The following CEP83 variants were observed in gnomAD, a reference collection of about 807,000 sequenced individuals.
CEP83 encodes centrosomal protein 83, also known as centrosomal protein of 83 kDa.
A neutral mutation model predicts 101.9 loss-of-function variants in CEP83; 70 were observed. The ratio of observed to expected loss-of-function variants is 0.69; its 90% CI spans 0.57 to 0.84. The LOEUF is 0.84. Ranked by LOEUF, CEP83 falls within the 40% of genes least tolerant of loss-of-function variation. The pLI, the probability that CEP83 is intolerant of heterozygous loss-of-function variation, is 0.00. For missense variants in CEP83, 715 were observed against 787.2 expected, an observed-to-expected ratio of 0.91 and a Z score of 1.10; for synonymous variants, 264 against 267.9, an observed-to-expected ratio of 0.99 and a Z score of 0.14.
intron 4 of CEP83, among the ~76,000 whole-genome samples, chr12:94,410,061 T>C (rs542581247): frequency 1.3e-5 from 2 of 152,232 alleles, no homozygotes; most frequent in South Asian, 4.1e-4. Context: ...GATTACCAAC[T>C]CTAAGATGCT....
At chr12:94,268,030 G>A in the CEP83 span, among the ~76,000 whole-genome samples, 1 of 152,176 alleles carries the variant, frequency 6.6e-6, no homozygotes, top group Non-Finnish European at 1.5e-5. Context: ...TTCTTTCAAG[G>A]AAAGGAAAGT....
In CEP83 at chr12:94,313,527, T is replaced by TAAA. The variant is rs58864740; in HGVS notation, c.1708-513_1708-511dup. Among the ~76,000 whole-genome samples, 91 of 95,700 alleles carry TAAA rather than the reference T, an allele frequency of 9.5e-4. 1 individual carries two copies. The East Asian group carries it at 0.021, about 22-fold the overall frequency. The allele number at this position is 95,700 out of a possible 152,430, so 62.8% of individuals were successfully genotyped here. A position where few individuals can be genotyped will look rare whatever the true frequency, so the allele number is the denominator to read the frequency against. On this transcript the variant is annotated intron_variant, in intron 14 of 16. Transcript: ENST00000397809. The stretch of plus-strand genomic sequence containing the variant: ...CCTGGACAACAGATCAAGAACCCAT[T>TAAA]AAAAAAAAAAAAAAAAAAAAAGGGT...
chr12:94,416,670 A>C (rs1248893133), intron 2 of CEP83, among the ~76,000 whole-genome samples: 1 of 152,170 alleles, frequency 6.6e-6, no homozygotes, highest in Non-Finnish European at 1.5e-5. Flanking sequence ...TACTGGGCCA[A>C]GATGGTGCAC....
At chr12:94,424,824 C>T (rs1173196211) in intron 2 of CEP83, 1 of 1,600,896 alleles carries the variant, frequency 6.2e-7, no homozygotes, top group African/African-American at 1.3e-5. Flanking sequence ...TGGTCATTTC[C>T]ATTGCTTCCA....
At chr12:94,420,163 G>A (rs749999309) in intron 2 of CEP83, among the ~76,000 whole-genome samples, 32 of 152,084 alleles carry the variant, frequency 2.1e-4, no homozygotes, top group Non-Finnish European at 4.1e-4. Context: ...CTGGAGAGGA[G>A]AGGAAGCAAA....
intron 14 of CEP83, among the ~76,000 whole-genome samples, chr12:94,324,090 G>C (rs1427029154): frequency 6.6e-6 from 1 of 152,122 alleles, no homozygotes; most frequent in Non-Finnish European, 1.5e-5. Context: ...TAATATTTAA[G>C]ATTTTTACAT....
chr12:94,282,437 A>G, the CEP83 span: 107 of 1,311,430 alleles, frequency 8.2e-5, no homozygotes, highest in Non-Finnish European at 1.1e-4. Context: ...CTCCTTCCTC[A>G]TCCCCAATCC....
At chr12:94,414,664 G>A (rs1184671451) in intron 2 of CEP83, among the ~76,000 whole-genome samples, 5 of 152,116 alleles carry the variant, frequency 3.3e-5, no homozygotes, top group African/African-American at 1.2e-4. Flanking sequence ...TATTGCAGTA[G>A]CAATCCAAAT....
At chr12:94,358,952 G>A (rs186099762) in intron 11 of CEP83, among the ~76,000 whole-genome samples, 6 of 152,344 alleles carry the variant, frequency 3.9e-5, no homozygotes, top group Non-Finnish European at 8.8e-5. Flanking sequence ...ATGGGAATGA[G>A]GACAAGGAAT....
chr12:94,456,519 T>G (rs2067690242), intron 1 of CEP83, among the ~76,000 whole-genome samples: 1 of 152,212 alleles, frequency 6.6e-6, no homozygotes, highest in Non-Finnish European at 1.5e-5. Context: ...TGATTCACAG[T>G]TCCACATGGC....
At chr12:94,356,987 A>G (rs1450750259) in intron 11 of CEP83, among the ~76,000 whole-genome samples, 1 of 152,200 alleles carries the variant, frequency 6.6e-6, no homozygotes, top group African/African-American at 2.4e-5. Context: ...GGGAAAAAAA[A>G]TCACTTAATG....
chr12:94,386,071 G>A (rs372744647), intron 6 of CEP83, among the ~76,000 whole-genome samples: 13 of 152,156 alleles, frequency 8.5e-5, no homozygotes, highest in African/African-American at 2.2e-4. Flanking sequence ...TGACAAAATC[G>A]CCTAATGACA....
chr12:94,334,584 T>C (rs932833183), intron 12 of CEP83, among the ~76,000 whole-genome samples: 4 of 152,156 alleles, frequency 2.6e-5, no homozygotes, highest in Non-Finnish European at 5.9e-5. Context: ...AAAGAACCTA[T>C]TATGAGATTC....
At chr12:94,347,507 T>C (rs1234635904) in intron 11 of CEP83, among the ~76,000 whole-genome samples, 1 of 152,214 alleles carries the variant, frequency 6.6e-6, no homozygotes, top group Non-Finnish European at 1.5e-5. Flanking sequence ...TTCTGTATGT[T>C]ATAAAATTAA....
At chr12:94,398,388 G>C (rs1159807041) in intron 6 of CEP83, among the ~76,000 whole-genome samples, 2 of 152,100 alleles carry the variant, frequency 1.3e-5, no homozygotes, top group Admixed American at 6.5e-5. Flanking sequence ...GGACCGGCTG[G>C]AGTCATGGCA....
In CEP83 at chr12:94,384,455, C is replaced by T. The variant is rs574843279; in HGVS notation, c.550-5413G>A. Among the ~76,000 whole-genome samples, 5 of 152,238 alleles carry T rather than the reference C, an allele frequency of 3.3e-5. No homozygotes were observed. In the South Asian group the frequency reaches 1.0e-3, roughly 32 times the overall value. On this transcript the variant is annotated intron_variant, in intron 6 of 16. Transcript: ENST00000397809. ...GCTACATGTTTGTGCCTTTACCAAA[C>T]TTGGAAAGTTTTTAGTCATTATTTC...
At chr12:94,414,410 C>T (rs1297611122) in intron 2 of CEP83, among the ~76,000 whole-genome samples, 1 of 152,214 alleles carries the variant, frequency 6.6e-6, no homozygotes, top group Non-Finnish European at 1.5e-5. Flanking sequence ...GCCATCCCAA[C>T]CTTCAGCAAC....
chr12:94,451,281 A>G (rs1283580502), intron 1 of CEP83, among the ~76,000 whole-genome samples: 1 of 152,184 alleles, frequency 6.6e-6, no homozygotes, highest in Non-Finnish European at 1.5e-5. Context: ...ATAACATGAA[A>G]GTACGTGCCA....
At chr12:94,266,858 T>C in the CEP83 span, among the ~76,000 whole-genome samples, 1 of 152,248 alleles carries the variant, frequency 6.6e-6, no homozygotes, top group Non-Finnish European at 1.5e-5. Context: ...CAGATCTCAT[T>C]GAACCCTTGT....
Sources: gnomAD v4.1 joint callset for allele counts (sites outside exome capture counted in the v4.1 genomes callset) on GRCh38, gnomAD v4.1.1 for gene constraint, MANE v1.5 for transcripts, NCBI Gene and HGNC (gene_info 2026-07-23, HGNC 2026-07-21) for gene names.